The following BTBD3 variants were observed in gnomAD, a reference collection of about 807,000 sequenced individuals.
The protein encoded by BTBD3 is BTB domain containing 3.
BTBD3 carries 14 observed loss-of-function variants against 41.6 expected under a neutral mutation model. The ratio of observed to expected loss-of-function variants is 0.34; its 90% CI spans 0.22 to 0.53. The LOEUF (loss-of-function observed/expected upper bound fraction) is 0.53. BTBD3 is among the 20% of genes least tolerant of loss of function. The pLI, the probability that BTBD3 is intolerant of heterozygous loss-of-function variation, is 0.95. For synonymous variants in BTBD3, 249 were observed against 233.7 expected (o/e 1.07, Z -0.60); for missense variants, 426 against 654.7 (o/e 0.65, Z 3.81).
At chr20:11,905,127 C>G (rs1229000597) in intron 1 of BTBD3, among the ~76,000 whole-genome samples, 1 of 152,140 alleles carries the variant, frequency 6.6e-6, no homozygotes, top group Non-Finnish European at 1.5e-5. Flanking sequence ...TTTCCAAATT[C>G]TAATTTTTGC....
intron 1 of BTBD3, 142 bp from the exon 2 acceptor site, chr20:11,918,940 TTTAG>T: frequency 1.6e-6 from 1 of 629,832 alleles, no homozygotes; most frequent in Non-Finnish European, 2.8e-6. Context: ...TTATGAACAG[TTTAG>T]TTAGAACCTT....
In BTBD3 at chr20:11,923,661, G is replaced by T; in HGVS notation, c.1564G>T (p.Ala522Ser). ...GGQIPELIFY[A>S] Reference sequence around the variant, plus strand: ...GCAGATCCCTGAACTTATATTCTATGCTTGAAAACTCACTTCCTGAAGCAG... The same window carrying T: ...GCAGATCCCTGAACTTATATTCTATTCTTGAAAACTCACTTCCTGAAGCAG... The change falls in exon 4 of 4, where the codon GCT (alanine) becomes TCT (serine). Residue 522 changes from alanine to serine, a missense_variant. Coordinates refer to ENST00000378226, the MANE Select transcript of BTBD3 (RefSeq NM_014962.4). This position sits in a 1 kb window ranked among gnomAD's most constrained non-coding sequence, Gnocchi z 5.3. The T allele has an allele frequency of 6.3e-7, 1 of 1,588,582 alleles. No homozygotes were observed. The highest frequency in any genetic ancestry group is 8.6e-7 in the Non-Finnish European group (1 of 1,166,782).
chr20:11,917,489 G>C (rs2056926164), upstream of BTBD3, among the ~76,000 whole-genome samples: 2 of 152,134 alleles, frequency 1.3e-5, no homozygotes, highest in Admixed American at 1.3e-4. Context: ...GCTATTAATA[G>C]CCCTTTTCAG....
At chr20:11,910,511 G>A (rs1436007547) in intron 1 of BTBD3, 4 of 72,440 alleles carry the variant, frequency 5.5e-5, no homozygotes, top group Non-Finnish European at 1.3e-4. Flanking sequence ...CAAGTACCTA[G>A]TAGAAAGTCA....
intron 1 of BTBD3, among the ~76,000 whole-genome samples, chr20:11,902,520 A>G (rs576758602): frequency 1.4e-4 from 22 of 152,358 alleles, no homozygotes; most frequent in African/African-American, 4.8e-4. Flanking sequence ...GAAATGCACA[A>G]GAACCACCAG....
chr20:11,894,757 C>T (rs1483146155), intron 1 of BTBD3, among the ~76,000 whole-genome samples: 7 of 150,548 alleles, frequency 4.6e-5, no homozygotes, highest in Non-Finnish European at 3.0e-5. Context: ...TGATTTTTTC[C>T]TTGTATTTGT....
At position 11,908,434 on chromosome 20, in the gene BTBD3, T is replaced by C. The variant is rs2056869791; in HGVS notation, c.-125-9900T>C. Among the ~76,000 whole-genome samples the C allele has an allele frequency of 2.0e-5, 3 of 151,110 alleles. No homozygotes were observed. The Admixed American group carries it at 2.0e-4, about 10-fold the overall frequency. ...TTATTATGGTTAAAGTTCCTATGTA[T>C]TATAAATGCTGTCCTCCCTATTGTT... On this transcript the variant is annotated intron_variant, in intron 1 of 4. Transcript: ENST00000254977.
At chr20:11,896,758 C>G (rs1275286621) in intron 1 of BTBD3, among the ~76,000 whole-genome samples, 2 of 152,170 alleles carry the variant, frequency 1.3e-5, no homozygotes, top group Non-Finnish European at 2.9e-5. Context: ...GAAGAGTCTA[C>G]TGATTTGAGT....
rs576892803 is a variant in BTBD3, at chr20:11,925,826, C to A, written c.*2160C>A. The A allele has an allele frequency of 6.6e-6, 1 of 152,624 alleles. No homozygotes were observed. Among genetic ancestry groups the A allele is most frequent in the South Asian group, 2.1e-4 (1 of 4,812 alleles). 9.5% of individuals were successfully genotyped at this position (152,624 alleles called of 1,614,324 possible). A position where few individuals can be genotyped will look rare whatever the true frequency, so the allele number is the denominator to read the frequency against. ...ATTCACTAACGCTCACTGTCAGTGC[C>A]CATGTTTGCTAGCTGCCTCCATGTG... On this transcript the variant is annotated 3_prime_UTR_variant, in exon 4 of 4. Transcript: ENST00000378226.
At position 11,923,522 on chromosome 20, in the gene BTBD3, C is replaced by A; in HGVS notation, c.1425C>A (p.Gly475=). 2 of 1,614,168 alleles carry A rather than the reference C, an allele frequency of 1.2e-6. No individual in the cohort carries two copies. ...ACACAGCCAGTGTGATACTGGATGG[C>A]AATGAACTCAGCTACTTTGGACAAG... is the stretch of plus-strand genomic sequence containing the variant. ...TFYTASVILD[G]NELSYFGQEG... is the part of the protein sequence containing the mutation. Residue 475 remains glycine (G), a synonymous_variant, in exon 4 of 4, where the codon GGC becomes GGA. Coordinates refer to ENST00000378226, the MANE Select transcript of BTBD3 (RefSeq NM_014962.4). The surrounding 1 kb of genome is among the most constrained non-coding windows in gnomAD (Gnocchi z 5.3).
chr20:11,892,124 C>G (rs529390809), intron 1 of BTBD3, among the ~76,000 whole-genome samples: 8 of 152,288 alleles, frequency 5.3e-5, no homozygotes, highest in African/African-American at 1.9e-4. Flanking sequence ...CAGGAACTCA[C>G]AAAGAGCGGT....
At chr20:11,904,930 C>T (rs1053823388) in intron 1 of BTBD3, among the ~76,000 whole-genome samples, 3 of 152,184 alleles carry the variant, frequency 2.0e-5, no homozygotes, top group African/African-American at 7.2e-5. Flanking sequence ...TTTACCAATG[C>T]ATGATTTTGT....
At chr20:11,903,319 T>C (rs1407739768) in intron 1 of BTBD3, among the ~76,000 whole-genome samples, 1 of 152,176 alleles carries the variant, frequency 6.6e-6, no homozygotes, top group Non-Finnish European at 1.5e-5. Flanking sequence ...CCATGCTTGC[T>C]TTAGGAGAAC....
intron 1 of BTBD3, among the ~76,000 whole-genome samples, chr20:11,908,789 T>C (rs980606789): frequency 2.6e-5 from 4 of 152,164 alleles, no homozygotes. Context: ...AGAAGTGCTT[T>C]ATCAGTGTCG....
rs2056748467 is a variant in BTBD3 at position 11,891,053 on chromosome 20, G to A, written c.-126+99G>A. 6 of 871,314 alleles carry A rather than the reference G, an allele frequency of 6.9e-6. No homozygotes were observed. In the South Asian group the frequency reaches 2.6e-4, roughly 38 times the overall value. The allele number at this position is 871,314 out of a possible 1,614,324, so 54.0% of individuals were successfully genotyped here. On this transcript the variant is annotated intron_variant, in intron 1 of 4. Transcript: ENST00000254977. ...CGCGCGCCCTGCGGCCGGCCGGAGG[G>A]GCCGAGCGAAGCGAGGAGAGGCCGG...
At chr20:11,919,628 A>C in intron 2 of BTBD3, 90 bp from the exon 3 acceptor site, 2 of 1,374,950 alleles carry the variant, frequency 1.5e-6, no homozygotes, top group Admixed American at 1.7e-5. Flanking sequence ...ATGTTTACTA[A>C]ACCTGATTGC....
At chr20:11,904,751 T>A (rs1232485) in intron 1 of BTBD3, among the ~76,000 whole-genome samples, 110,984 of 152,142 alleles carry the variant, frequency 0.73, 40,919 homozygotes, top group Non-Finnish European at 0.78. Context: ...GAAAAGAATA[T>A]TTTAATAGCA....
upstream of BTBD3, chr20:11,917,873 T>C: frequency 1.0e-6 from 1 of 986,854 alleles, no homozygotes; most frequent in Non-Finnish European, 1.2e-6. Flanking sequence ...CTGTAATACC[T>C]ACTCTCCTCC....
upstream of BTBD3, among the ~76,000 whole-genome samples, chr20:11,913,054 C>T (rs1021974765): frequency 6.6e-6 from 1 of 152,170 alleles, no homozygotes. Context: ...TCATAACTTA[C>T]CAGATTAAAC....
Sources: gnomAD v4.1 joint callset for allele counts (sites outside exome capture counted in the v4.1 genomes callset) on GRCh38, gnomAD v4.1.1 for gene constraint, Gnocchi (gnomAD v3.1) non-coding constraint, MANE v1.5 for transcripts, NCBI Gene and HGNC (gene_info 2026-07-23, HGNC 2026-07-21) for gene names.